The following EVI2A variants were observed in gnomAD, a reference collection of about 807,000 sequenced individuals.
The protein encoded by EVI2A is ecotropic viral integration site 2A.
A neutral mutation model predicts 13.0 loss-of-function variants in EVI2A; 11 were observed. The ratio of observed to expected loss-of-function variants is 0.85; its 90% CI spans 0.53 to 1.40. EVI2A has a LOEUF of 1.40. Among genes scored for constraint, EVI2A ranks in the 40% most tolerant of loss-of-function variants. The pLI is 0.00. For missense variants in EVI2A, 267 were observed against 279.5 expected (o/e 0.96, Z 0.32); for synonymous variants, 89 against 98.0 (o/e 0.91, Z 0.54).
At chr17:31,320,359 A>AG in intron 1 of EVI2A, 2 of 1,547,926 alleles carry the variant, frequency 1.3e-6, no homozygotes, top group South Asian at 1.2e-5. Context: ...AAAAAAAAAA[A>AG]GGCAGATTCT....
In EVI2A at chr17:31,317,853, C is replaced by T. The variant is rs187752174; in HGVS notation, c.*450G>A. 6.5e-6 allele frequency: 1 copy of T among 154,778 alleles called. No individual in the cohort carries two copies. The highest frequency in any genetic ancestry group is 2.4e-5 in the African/African-American group (1 of 41,608). The allele number at this position is 154,778 out of a possible 1,614,324, so 9.6% of individuals were successfully genotyped here. A position where few individuals can be genotyped will look rare whatever the true frequency, so the allele number is the denominator to read the frequency against. On this transcript the variant is annotated 3_prime_UTR_variant, in exon 2 of 2. Transcript: ENST00000462804. Reference sequence around the variant, plus strand: ...CAGCAAGGAAGATACCATTAAATTACACAGTTTAGCTCTCTCTATCTATGC... The same window carrying T: ...CAGCAAGGAAGATACCATTAAATTATACAGTTTAGCTCTCTCTATCTATGC...
At chr17:31,320,514 C>G in intron 1 of EVI2A, 2 of 1,212,026 alleles carry the variant, frequency 1.7e-6, no homozygotes, top group South Asian at 2.6e-5. Context: ...CATTTGTATA[C>G]TATTAAAATA....
At chr17:31,319,061 G>T (rs769619855) in intron 1 of EVI2A, 38 bp from the exon 2 acceptor site, 2 of 1,535,418 alleles carry the variant, frequency 1.3e-6, no homozygotes, top group Non-Finnish European at 1.7e-6. Context: ...GTTTGTGAAA[G>T]AATAATGGAT....
Position 31,318,250 on chromosome 17 carries a change from G to A in EVI2A, c.*53C>T. The A allele has an allele frequency of 6.5e-7, 1 of 1,538,684 alleles. No homozygotes were observed. The highest frequency in any genetic ancestry group is 1.3e-5 in the South Asian group (1 of 77,356). On this transcript the variant is annotated 3_prime_UTR_variant, in exon 2 of 2. Transcript: ENST00000462804. The stretch of plus-strand genomic sequence containing the variant: ...AACACTTTGGGATTAAATACCAACT[G>A]ACTTCATTTTTACTCCATAAGCCTT...
intron 1 of EVI2A, chr17:31,320,343 T>TTA (rs398041633): frequency 0.035 from 39,870 of 1,131,030 alleles, 175 homozygotes; most frequent in Non-Finnish European, 0.039. Flanking sequence ...TCCTTTTATT[T>TTA]AAAAAAAAAA....
At position 31,318,704 on chromosome 17, in the gene EVI2A, G is replaced by T; in HGVS notation, c.310C>A (p.Pro104Thr). The change falls in exon 2 of 2, where the codon CCT (proline) becomes ACT (threonine). Residue 104 changes from proline to threonine, a missense_variant. By Grantham distance (38) the Pro-to-Thr change is conservative. Coordinates refer to ENST00000462804, the MANE Select transcript of EVI2A (RefSeq NM_014210.4). ...TTTTCAATGCTCTGTACTGTTGAAG[G>T]ACTGTTGCTGACGACAGAAGGTATA... ...LYIPSVVSNSPSTVQSIENTS... is the reference protein window; with the variant it reads ...LYIPSVVSNSTSTVQSIENTS... 2.5e-6 allele frequency: 4 copies of T among 1,614,088 alleles called. No individual in the cohort carries two copies. Among genetic ancestry groups the T allele is most frequent in the South Asian group, 1.1e-5 (1 of 91,076 alleles).
chr17:31,316,452 CT>C lies in EVI2A; in HGVS notation c.*1850del, dbSNP rs1225460642. ...CTTTTAAATATCCTTGTGGTAGAAGCTCTCTGGTGAGAAAATGTTTGACCAG... is the reference window on the plus strand; with the variant it reads ...CTTTTAAATATCCTTGTGGTAGAAGCCTCTGGTGAGAAAATGTTTGACCAG... On this transcript the variant is annotated 3_prime_UTR_variant, in exon 2 of 2. Transcript: ENST00000462804. 6.6e-6 allele frequency among the ~76,000 whole-genome samples: 1 copy of C among 152,084 alleles called. No homozygotes were observed. Among genetic ancestry groups the C allele is most frequent in the African/African-American group, 2.4e-5 (1 of 41,396 alleles).
Position 31,317,363 on chromosome 17 carries a change from A to C in EVI2A, c.*940T>G, listed in dbSNP as rs1411190992. On this transcript the variant is annotated 3_prime_UTR_variant, in exon 2 of 2. Coordinates refer to ENST00000462804, the MANE Select transcript of EVI2A (RefSeq NM_014210.4). ...TAACCTGAAGTATGCAGTTTTCCAG[A>C]TTTGAACACACACACACACACACAC... Among the ~76,000 whole-genome samples, 1 of 113,030 alleles carries C rather than the reference A, an allele frequency of 8.8e-6. No individual in the cohort carries two copies. The highest frequency in any genetic ancestry group is 1.8e-5 in the Non-Finnish European group (1 of 55,094). The allele number at this position is 113,030 out of a possible 152,430, so 74.2% of individuals were successfully genotyped here. A position where few individuals can be genotyped will look rare whatever the true frequency, so the allele number is the denominator to read the frequency against.
rs1267912496 is a variant in EVI2A, at chr17:31,317,295, G to A, written c.*1008C>T. 6.6e-6 allele frequency among the ~76,000 whole-genome samples: 1 copy of A among 151,274 alleles called. No individual in the cohort carries two copies. Among genetic ancestry groups the A allele is most frequent in the Non-Finnish European group, 1.5e-5 (1 of 67,864 alleles). On this transcript the variant is annotated 3_prime_UTR_variant, in exon 2 of 2. Coordinates refer to ENST00000462804, the MANE Select transcript of EVI2A (RefSeq NM_014210.4). Reference sequence around the variant, plus strand: ...GGGGGGGTTCTCAACTTAAATGTAAGTCATTATTTTACTTGAAGCCAGTTT... The same window carrying A: ...GGGGGGGTTCTCAACTTAAATGTAAATCATTATTTTACTTGAAGCCAGTTT...
At chr17:31,320,456 TG>T in intron 1 of EVI2A, 2 of 1,606,128 alleles carry the variant, frequency 1.2e-6, no homozygotes, top group African/African-American at 2.7e-5. Flanking sequence ...GTCAGGCTTT[TG>T]AACATCAAGG....
Position 31,318,173 on chromosome 17 carries a change from G to T in EVI2A, c.*130C>A. 2 of 1,164,270 alleles carry T rather than the reference G, an allele frequency of 1.7e-6. No homozygotes were observed. Among genetic ancestry groups the T allele is most frequent in the Non-Finnish European group, 2.4e-6 (2 of 834,046 alleles). 72.1% of individuals were successfully genotyped at this position (1,164,270 alleles called of 1,614,324 possible). A position where few individuals can be genotyped will look rare whatever the true frequency, so the allele number is the denominator to read the frequency against. ...AGGCATACTTCTCCCTGTCTCACCT[G>T]CTTGATTCTAAATTGCAAGGTCTAC... On this transcript the variant is annotated 3_prime_UTR_variant, in exon 2 of 2. Coordinates refer to ENST00000462804, the MANE Select transcript of EVI2A (RefSeq NM_014210.4).
chr17:31,316,813 G>GT lies in EVI2A; in HGVS notation c.*1489dup, dbSNP rs1039139925. Among the ~76,000 whole-genome samples the GT allele has an allele frequency of 1.3e-5, 2 of 152,012 alleles. No individual in the cohort carries two copies. Among genetic ancestry groups the GT allele is most frequent in the African/African-American group, 4.8e-5 (2 of 41,368 alleles). ...GATTTCTCGTTTAGAGAATAGATTTGTTTTTTACAAATTGCTAATAAATTG... is the reference window on the plus strand; with the variant it reads ...GATTTCTCGTTTAGAGAATAGATTTGTTTTTTTACAAATTGCTAATAAATTG... On this transcript the variant is annotated 3_prime_UTR_variant, in exon 2 of 2. Coordinates refer to ENST00000462804, the MANE Select transcript of EVI2A (RefSeq NM_014210.4).
intron 1 of EVI2A, chr17:31,320,556 G>A: frequency 1.3e-6 from 1 of 779,258 alleles, no homozygotes; most frequent in Non-Finnish European, 2.0e-6. Context: ...GTGATACGTT[G>A]AGTTATGCAA....
rs542219039 is a variant in EVI2A, at chr17:31,317,238, A to G, written c.*1065T>C. Among the ~76,000 whole-genome samples the G allele has an allele frequency of 6.6e-6, 1 of 152,242 alleles. No homozygotes were observed. The highest frequency in any genetic ancestry group is 2.4e-5 in the African/African-American group (1 of 41,554). ...CAGTAGATATTTGGAAAGTCTCTCA[A>G]ACCAATTTTTGTAATATATTTAATT... On this transcript the variant is annotated 3_prime_UTR_variant, in exon 2 of 2. Transcript: ENST00000462804.
intron 1 of EVI2A, 37 bp from the exon 2 acceptor site, chr17:31,319,060 A>G (rs370723802): frequency 1.3e-6 from 2 of 1,536,220 alleles, no homozygotes. Flanking sequence ...AGTTTGTGAA[A>G]GAATAATGGA....
In EVI2A at chr17:31,318,434, C is replaced by G; in HGVS notation, c.580G>C (p.Asp194His). 1 of 1,613,960 alleles carries G rather than the reference C, an allele frequency of 6.2e-7. No individual in the cohort carries two copies. Among genetic ancestry groups the G allele is most frequent in the Non-Finnish European group, 8.5e-7 (1 of 1,179,990 alleles). ...AGCTGTTTTGTTCTTTTCCAAGTGT[C>G]TGATTCAGCGGGCCATAGACCGCTT... ...LASGLWPAES[D>H]TWKRTKQLTG... Residue 194 changes from aspartate (D) to histidine (H), a missense_variant, in exon 2 of 2, where the codon GAC (aspartate) becomes CAC (histidine). Coordinates refer to ENST00000462804, the MANE Select transcript of EVI2A (RefSeq NM_014210.4).
intron 1 of EVI2A, among the ~76,000 whole-genome samples, 182 bp downstream of exon 1, chr17:31,321,313 A>G (rs568076124): frequency 1.3e-5 from 2 of 152,298 alleles, no homozygotes; most frequent in South Asian, 2.1e-4. Context: ...GGCGATGGCA[A>G]ATTTTTTCAT....
In EVI2A at chr17:31,318,401, G is replaced by T. The variant is rs994396487; in HGVS notation, c.613C>A (p.Pro205Thr). The change falls in exon 2 of 2, where the codon CCC becomes ACC. Residue 205 changes from proline (P) to threonine (T), a missense_variant. By Grantham distance (38) the Pro-to-Thr change is conservative. Transcript: ENST00000462804. ...TWKRTKQLTG[P>T]NLVMQSTGVL... ...CCAGTAGATTGCATCACTAGGTTGG[G>T]TCCTGTGAGCTGTTTTGTTCTTTTC... 6.2e-7 allele frequency: 1 copy of T among 1,613,946 alleles called. No individual in the cohort carries two copies. The highest frequency in any genetic ancestry group is 8.5e-7 in the Non-Finnish European group (1 of 1,179,988).
At chr17:31,320,993 C>A (rs2069172575) in intron 1 of EVI2A, 2 of 152,256 alleles carry the variant, frequency 1.3e-5, no homozygotes. Context: ...TGATTGTCTT[C>A]AGCCAGATGT....
Sources: gnomAD v4.1 joint callset for allele counts (sites outside exome capture counted in the v4.1 genomes callset) on GRCh38, gnomAD v4.1.1 for gene constraint, MANE v1.5 for transcripts, NCBI Gene and HGNC (gene_info 2026-07-23, HGNC 2026-07-21) for gene names.